Variants in SAE1 observed in about 807,000 individuals in gnomAD.
SAE1 encodes the protein SUMO1 activating enzyme subunit 1.
A neutral mutation model predicts 40.6 loss-of-function variants in SAE1; 11 were observed. The observed-to-expected ratio is 0.27, with a 90% CI of 0.17 to 0.45. The LOEUF (loss-of-function observed/expected upper bound fraction) is 0.45, where lower values mean the gene tolerates loss of function less well. Among genes scored for constraint, SAE1 ranks in the 20% least tolerant of loss-of-function variants. SAE1 has a pLI of 1.00. For synonymous variants in SAE1, 155 were observed against 154.3 expected (o/e 1.00, Z -0.03); for missense variants, 373 against 427.3 (o/e 0.87, Z 1.12).
intron 6 of SAE1, among the ~76,000 whole-genome samples, chr19:47,171,120 G>A (rs1341069028): frequency 2.7e-5 from 4 of 150,868 alleles, no homozygotes; most frequent in Non-Finnish European, 4.4e-5. Flanking sequence ...GACTGCAGGC[G>A]CGTGCCACCA....
At chr19:47,182,467 G>A (rs1039072517) in intron 6 of SAE1, among the ~76,000 whole-genome samples, 2 of 97,202 alleles carry the variant, frequency 2.1e-5, no homozygotes, top group African/African-American at 1.1e-4. Context: ...AAAGCGTAGT[G>A]TGTGTGTGTG....
chr19:47,155,317 G>T, intron 5 of SAE1, 104 bp downstream of exon 5: 2 of 743,338 alleles, frequency 2.7e-6, no homozygotes, highest in Non-Finnish European at 4.5e-6. Context: ...AAGGGGTGGG[G>T]CGGGTGCTTG....
At chr19:47,167,834 G>A (rs909274883) in intron 5 of SAE1, among the ~76,000 whole-genome samples, 1 of 151,996 alleles carries the variant, frequency 6.6e-6, no homozygotes, top group Non-Finnish European at 1.5e-5. Flanking sequence ...TTTTAGAGAC[G>A]GGATCTAACA....
At chr19:47,133,987 C>T (rs1386294689) in intron 1 of SAE1, among the ~76,000 whole-genome samples, 6 of 151,782 alleles carry the variant, frequency 4.0e-5, no homozygotes, top group East Asian at 1.9e-4. Flanking sequence ...CTCAGCCTCC[C>T]GAGTAGCTGG....
At chr19:47,162,499 C>A (rs1040823419) in intron 5 of SAE1, among the ~76,000 whole-genome samples, 2 of 152,038 alleles carry the variant, frequency 1.3e-5, no homozygotes, top group Admixed American at 1.3e-4. Flanking sequence ...GTTTTTTTTC[C>A]ATTCTGCTGA....
intron 5 of SAE1, among the ~76,000 whole-genome samples, chr19:47,156,583 A>G (rs2058326199): frequency 6.6e-6 from 1 of 151,680 alleles, no homozygotes; most frequent in South Asian, 2.1e-4. Context: ...GAGTGGCACA[A>G]TCTCAGCTCA....
chr19:47,166,175 A>T (rs529250022), intron 5 of SAE1, among the ~76,000 whole-genome samples: 2 of 152,194 alleles, frequency 1.3e-5, no homozygotes, highest in African/African-American at 4.8e-5. Flanking sequence ...TAGGCCAGAG[A>T]CGTGGGGGTT....
chr19:47,176,306 A>G (rs1008257174), intron 6 of SAE1, among the ~76,000 whole-genome samples: 1 of 152,160 alleles, frequency 6.6e-6, no homozygotes, highest in African/African-American at 2.4e-5. Flanking sequence ...AGTGCTTGGA[A>G]TTTGTTTCCA....
At chr19:47,157,647 C>T (rs941371081) in intron 5 of SAE1, among the ~76,000 whole-genome samples, 1 of 152,206 alleles carries the variant, frequency 6.6e-6, no homozygotes, top group Non-Finnish European at 1.5e-5. Flanking sequence ...GCAGCCCAGG[C>T]CTTTGCCCAC....
At chr19:47,157,923 G>A (rs1236495205) in intron 5 of SAE1, among the ~76,000 whole-genome samples, 1 of 152,174 alleles carries the variant, frequency 6.6e-6, no homozygotes, top group African/African-American at 2.4e-5. Flanking sequence ...CTGGGTTTTG[G>A]CCATGGCTTT....
chr19:47,176,248 C>G (rs1424203438), intron 6 of SAE1, among the ~76,000 whole-genome samples: 1 of 152,190 alleles, frequency 6.6e-6, no homozygotes, highest in African/African-American at 2.4e-5. Flanking sequence ...GTACCGTCAT[C>G]TATGACCAGT....
chr19:47,156,894 C>A (rs536835962), intron 5 of SAE1, among the ~76,000 whole-genome samples: 1 of 152,056 alleles, frequency 6.6e-6, no homozygotes, highest in East Asian at 1.9e-4. Context: ...GGGAACCATG[C>A]GATGGGGAAA....
intron 5 of SAE1, among the ~76,000 whole-genome samples, chr19:47,160,757 C>A (rs190289525): frequency 6.6e-6 from 1 of 151,964 alleles, no homozygotes; most frequent in African/African-American, 2.4e-5. Flanking sequence ...TCTCAATCTC[C>A]TGACCTTGTG....
intron 1 of SAE1, among the ~76,000 whole-genome samples, chr19:47,137,733 T>G (rs1408904854): frequency 8.1e-5 from 12 of 147,792 alleles, no homozygotes; most frequent in Non-Finnish European, 1.0e-4. Context: ...GTGTGTTGTT[T>G]TTTTTTTTTT....
intron 1 of SAE1, among the ~76,000 whole-genome samples, chr19:47,137,703 T>TTGTGTGTGTGTGTGTGTGTG (rs35991953): frequency 3.0e-5 from 4 of 135,036 alleles, no homozygotes; most frequent in African/African-American, 1.1e-4. Context: ...ACTCAGCTGA[T>TTGTGTGTGTGTGTGTGTGTG]TGTGTGTGTG....
intron 1 of SAE1, among the ~76,000 whole-genome samples, chr19:47,138,639 G>A (rs1376249565): frequency 1.3e-5 from 2 of 152,110 alleles, no homozygotes; most frequent in Non-Finnish European, 2.9e-5. Context: ...TAGTGATACA[G>A]TGGTTTCTGG....
chr19:47,179,812 G>C (rs1207568141), intron 6 of SAE1, among the ~76,000 whole-genome samples: 1 of 152,120 alleles, frequency 6.6e-6, no homozygotes, highest in Non-Finnish European at 1.5e-5. Flanking sequence ...TGAGCCTCCT[G>C]CCCAAAGTGT....
At chr19:47,148,302 A>G (rs943846573) in intron 2 of SAE1, among the ~76,000 whole-genome samples, 1 of 151,948 alleles carries the variant, frequency 6.6e-6, no homozygotes, top group Non-Finnish European at 1.5e-5. Context: ...GGGCCAGCTC[A>G]TTTTCTTGGA....
chr19:47,166,882 A>G (rs2058396559), intron 5 of SAE1, among the ~76,000 whole-genome samples: 1 of 152,180 alleles, frequency 6.6e-6, no homozygotes, highest in Non-Finnish European at 1.5e-5. Context: ...CTTGTATACT[A>G]TCTTTAACAA....
Sources: gnomAD v4.1 joint callset for allele counts (sites outside exome capture counted in the v4.1 genomes callset) on GRCh38, gnomAD v4.1.1 for gene constraint, MANE v1.5 for transcripts, NCBI Gene and HGNC (gene_info 2026-07-23, HGNC 2026-07-21) for gene names.